TRIM7: variants seen among roughly 807,000 people sequenced by gnomAD.
TRIM7 encodes E3 ubiquitin-protein ligase TRIM7.
In TRIM7, 32 loss-of-function variants were observed where a neutral mutation model predicts 37.9. The observed-to-expected ratio is 0.84, with a 90% CI of 0.64 to 1.13. The LOEUF (loss-of-function observed/expected upper bound fraction) is 1.13, where lower values mean the gene tolerates loss of function less well. Ranked by LOEUF, TRIM7 falls within the 50% of genes most tolerant of loss-of-function variation. The probability of loss-of-function intolerance (pLI) is 0.00; values close to 1 mark genes in which losing one functional copy is unlikely to be tolerated. For synonymous variants in TRIM7, 351 were observed against 321.3 expected (o/e 1.09, Z -0.99); for missense variants, 732 against 714.0 (o/e 1.03, Z -0.29).
Position 181,195,091 on chromosome 5 carries a change from G to A in TRIM7, c.*75C>T, listed in dbSNP as rs927993288. 61 of 1,518,140 alleles carry A rather than the reference G, an allele frequency of 4.0e-5. No individual in the cohort carries two copies. Among genetic ancestry groups the A allele is most frequent in the South Asian group, 6.4e-5 (5 of 78,316 alleles). 94.0% of individuals were successfully genotyped at this position (1,518,140 alleles called of 1,614,324 possible). On this transcript the variant is annotated 3_prime_UTR_variant, in exon 7 of 7. Transcript: ENST00000274773. The stretch of plus-strand genomic sequence containing the variant: ...GGAGCACGGAGGGCAGACCCAAGAC[G>A]GACCAGGCATCTCTGGGGAGGCGAC...
rs1561643546 is a variant in TRIM7 at position 181,195,126 on chromosome 5, C to A, written c.*40G>T. ...TCTCTGGGGAGGCGACATCCCCTCC[C>A]ACCGGCAGCCCAGAGACAGGAGCTC... On this transcript the variant is annotated 3_prime_UTR_variant, in exon 7 of 7. Transcript: ENST00000274773. 6.4e-7 allele frequency: 1 copy of A among 1,552,926 alleles called. No individual in the cohort carries two copies. The highest frequency in any genetic ancestry group is 8.7e-7 in the Non-Finnish European group (1 of 1,146,628).
Position 181,200,010 on chromosome 5 carries a change from C to T in TRIM7, c.690G>A (p.Gln230=), listed in dbSNP as rs200756291. 2.5e-6 allele frequency: 4 copies of T among 1,614,278 alleles called. No homozygotes were observed. In the Admixed American group the frequency reaches 6.7e-5, roughly 27 times the overall value. Residue 230 remains glutamine (Q), a synonymous_variant, in exon 3 of 7, where the codon CAG becomes CAA. Transcript: ENST00000274773. ...CCAGGCGGCCTAGCAGCCGACCCTC[C>T]TGCTCCACCAGGAAAGCCCTCAGTG... is the stretch of plus-strand genomic sequence containing the variant. ...FQALRAFLVE[Q]EGRLLGRLEE...
rs1757740575 is a variant in TRIM7 at position 181,205,016 on chromosome 5, C to T, written c.95G>A (p.Cys32Tyr). The change falls in exon 1 of 7, where the codon TGC (cysteine) becomes TAC (tyrosine). Residue 32 changes from cysteine to tyrosine, a missense_variant. Coordinates refer to ENST00000274773, the MANE Select transcript of TRIM7 (RefSeq NM_203293.3). ...CACCGGCTCACGAAAGAGCTCTAGG[C>T]AGATGGAGCACGTCGCCTCGCCCTG... Reference protein sequence around the residue: ...ELQGEATCSICLELFREPVSV... With the variant: ...ELQGEATCSIYLELFREPVSV... The T allele has an allele frequency of 1.4e-6, 2 of 1,473,914 alleles. No individual in the cohort carries two copies. The highest frequency in any genetic ancestry group is 2.5e-5 in the Admixed American group (1 of 40,432). The allele number at this position is 1,473,914 out of a possible 1,614,324, so 91.3% of individuals were successfully genotyped here. A position where few individuals can be genotyped will look rare whatever the true frequency, so the allele number is the denominator to read the frequency against.
intron 2 of TRIM7, chr5:181,202,151 T>C (rs923796485): frequency 6.6e-6 from 1 of 151,916 alleles, no homozygotes; most frequent in Non-Finnish European, 1.5e-5. Context: ...TTCCCTGCCT[T>C]GACAGGTCCT....
rs886586787 is a variant in TRIM7 at position 181,205,080 on chromosome 5, C to A, written c.31G>T (p.Gly11Ter). ...AGCGCTAGAGCCTCGGCGCCGGTTC[C>A]GGGGCCGGTCCGCGGTCCCACAGCC... MAAVGPRTGP[G>*]TGAEALALAA... The change falls in exon 1 of 7, where the codon GGA becomes TGA. Residue 11 changes from glycine (G) to a stop codon, truncating the protein, a stop_gained. Coordinates refer to ENST00000274773, the MANE Select transcript of TRIM7 (RefSeq NM_203293.3). LOFTEE classifies it high-confidence loss of function. 8.1e-6 allele frequency: 11 copies of A among 1,361,334 alleles called. No homozygotes were observed. Among genetic ancestry groups the A allele is most frequent in the Middle Eastern group, 2.2e-4 (1 of 4,522 alleles). 84.3% of individuals were successfully genotyped at this position (1,361,334 alleles called of 1,614,324 possible).
At position 181,195,225 on chromosome 5, in the gene TRIM7, G is replaced by A. The variant is rs1385191219; in HGVS notation, c.1477C>T (p.Arg493Cys). Residue 493 changes from arginine to cysteine, a missense_variant, in exon 7 of 7, where the codon CGC (arginine) becomes TGC (cysteine). Arg to Cys is a radical substitution (Grantham distance 180). Transcript: ENST00000274773. Reference protein sequence around the residue: ...LYTFRVNFQERVFPLFSVCST... With the variant: ...LYTFRVNFQECVFPLFSVCST... The stretch of plus-strand genomic sequence containing the variant: ...CAAACAGAGAAAAGCGGGAACACGC[G>A]CTCCTGGAAGTTGACGCGGAAGGTG... 2 of 1,612,930 alleles carry A rather than the reference G, an allele frequency of 1.2e-6. No homozygotes were observed. Among genetic ancestry groups the A allele is most frequent in the Non-Finnish European group, 1.7e-6 (2 of 1,179,406 alleles).
At position 181,205,188 on chromosome 5, in the gene TRIM7, G is replaced by A. The variant is rs1319977291; in HGVS notation, c.-78C>T. On this transcript the variant is annotated 5_prime_UTR_variant, in exon 1 of 7. Transcript: ENST00000274773. ...CACAGGACGCGGAGCTGGGCGCCGA[G>A]GGCCCACTGGGAGAGGAAGGGCGGG... The A allele has an allele frequency of 2.4e-6, 3 of 1,252,874 alleles. No individual in the cohort carries two copies. The highest frequency in any genetic ancestry group is 3.0e-6 in the Non-Finnish European group (3 of 992,844). The allele number at this position is 1,252,874 out of a possible 1,614,324, so 77.6% of individuals were successfully genotyped here. A position where few individuals can be genotyped will look rare whatever the true frequency, so the allele number is the denominator to read the frequency against.
At chr5:181,199,247 C>T (rs958427113) in intron 3 of TRIM7, 130 bp from the exon 4 acceptor site, 11 of 1,082,994 alleles carry the variant, frequency 1.0e-5, no homozygotes, top group South Asian at 6.5e-5. Context: ...TCACTGCCTG[C>T]GTGGGCCTCA....
intron 3 of TRIM7, 71 bp from the exon 4 acceptor site, chr5:181,199,188 G>A: frequency 6.3e-7 from 1 of 1,581,552 alleles, no homozygotes; most frequent in Non-Finnish European, 8.7e-7. Flanking sequence ...AACAAAGCTT[G>A]CCCCTTGCTG....
Position 181,204,854 on chromosome 5 carries a change from C to A in TRIM7, c.257G>T (p.Arg86Leu). The A allele has an allele frequency of 7.5e-7, 1 of 1,339,272 alleles. No individual in the cohort carries two copies. The highest frequency in any genetic ancestry group is 9.5e-7 in the Non-Finnish European group (1 of 1,054,366). The allele number at this position is 1,339,272 out of a possible 1,614,324, so 83.0% of individuals were successfully genotyped here. A position where few individuals can be genotyped will look rare whatever the true frequency, so the allele number is the denominator to read the frequency against. ...CCGGTTGGGCCGCAGCTGACTGGGG[C>A]GCGCGGGCTCGCGGCACTGCGGACA... ...LPCPQCREPA[R>L]PSQLRPNRQL... is the part of the protein sequence containing the mutation. Residue 86 changes from arginine (R) to leucine (L), a missense_variant, in exon 1 of 7, where the codon CGC (arginine) becomes CTC (leucine). Coordinates refer to ENST00000274773, the MANE Select transcript of TRIM7 (RefSeq NM_203293.3).
At position 181,200,024 on chromosome 5, in the gene TRIM7, A is replaced by G; in HGVS notation, c.676T>C (p.Phe226Leu). The change falls in exon 3 of 7, where the codon TTC (phenylalanine) becomes CTC (leucine). Residue 226 changes from phenylalanine to leucine, a missense_variant. By Grantham distance (22) the Phe-to-Leu change is conservative. Transcript: ENST00000274773. ...AGCCGACCCTCCTGCTCCACCAGGA[A>G]AGCCCTCAGTGCCTGGAACTCTGCC... is the stretch of plus-strand genomic sequence containing the variant. Reference protein sequence around the residue: ...VGAEFQALRAFLVEQEGRLLG... With the variant: ...VGAEFQALRALLVEQEGRLLG... 1 of 1,614,244 alleles carries G rather than the reference A, an allele frequency of 6.2e-7. No individual in the cohort carries two copies. The highest frequency in any genetic ancestry group is 8.5e-7 in the Non-Finnish European group (1 of 1,180,048).
At chr5:181,202,141 T>C (rs1561650077) in intron 2 of TRIM7, 1 of 152,006 alleles carries the variant, frequency 6.6e-6, no homozygotes, top group Non-Finnish European at 1.5e-5. Flanking sequence ...CTTCCTTCAA[T>C]TCCCTGCCTT....
rs1335544038 is a variant in TRIM7, at chr5:181,198,990, G to A, written c.872+105C>T. 8.2e-6 allele frequency: 12 copies of A among 1,470,418 alleles called. No homozygotes were observed. In the East Asian group the frequency reaches 9.1e-5, roughly 11 times the overall value. The allele number at this position is 1,470,418 out of a possible 1,614,324, so 91.1% of individuals were successfully genotyped here. The stretch of plus-strand genomic sequence containing the variant: ...CGGAAGGTCCCCAGGCAAGCAAGTC[G>A]GGGGATCAGGAGGTGAGAGGTCAGG... On this transcript the variant is annotated intron_variant, in intron 4 of 6. Transcript: ENST00000274773.
Position 181,205,071 on chromosome 5 carries a change from C to T in TRIM7, c.40G>A (p.Ala14Thr). The change falls in exon 1 of 7, where the codon GCC becomes ACC. Residue 14 changes from alanine (A) to threonine (T), a missense_variant. Ala to Thr is a moderately conservative substitution (Grantham distance 58). Coordinates refer to ENST00000274773, the MANE Select transcript of TRIM7 (RefSeq NM_203293.3). ...VGPRTGPGTG[A>T]EALALAAELQ... ...TCTGCCGCCAGCGCTAGAGCCTCGG[C>T]GCCGGTTCCGGGGCCGGTCCGCGGT... 1 of 1,373,068 alleles carries T rather than the reference C, an allele frequency of 7.3e-7. No homozygotes were observed. Among genetic ancestry groups the T allele is most frequent in the South Asian group, 1.6e-5 (1 of 61,238 alleles). The allele number at this position is 1,373,068 out of a possible 1,614,324, so 85.1% of individuals were successfully genotyped here. A position where few individuals can be genotyped will look rare whatever the true frequency, so the allele number is the denominator to read the frequency against.
chr5:181,195,728 C>G (rs779933534), intron 6 of TRIM7, 51 bp from the exon 7 acceptor site: 1 of 1,504,180 alleles, frequency 6.6e-7, no homozygotes, highest in Non-Finnish European at 8.9e-7. Context: ...GCCCCTGGCA[C>G]AGTCTTTGCA....
intron 6 of TRIM7, chr5:181,195,896 A>C: frequency 2.1e-6 from 1 of 485,240 alleles, no homozygotes; most frequent in Non-Finnish European, 3.5e-6. Context: ...GAAATCAAAC[A>C]AATGCAATGT....
At chr5:181,200,416 A>C in intron 2 of TRIM7, 1 of 1,336,696 alleles carries the variant, frequency 7.5e-7, no homozygotes, top group Admixed American at 3.6e-5. Flanking sequence ...GGGATAAATT[A>C]GTGCCTCCTG....
chr5:181,196,846 A>G (rs1467537594), intron 6 of TRIM7: 2 of 152,218 alleles, frequency 1.3e-5, no homozygotes, highest in African/African-American at 2.4e-5. Context: ...ACTTTTGAGT[A>G]TGTTTGAAAT....
At position 181,195,637 on chromosome 5, in the gene TRIM7, G is replaced by T. The variant is rs1476985219; in HGVS notation, c.1065C>A (p.Leu355=). 2 of 1,546,142 alleles carry T rather than the reference G, an allele frequency of 1.3e-6. No homozygotes were observed. The highest frequency in any genetic ancestry group is 2.3e-5 in the East Asian group (1 of 43,758). The change falls in exon 7 of 7, where the codon CTC becomes CTA. Residue 355 remains leucine (L), a synonymous_variant. Coordinates refer to ENST00000274773, the MANE Select transcript of TRIM7 (RefSeq NM_203293.3). Reference sequence around the variant, plus strand: ...CGCCCTTAAGATCCAGAGAGAGGATGAGGCGCGGGTTGGCCGTGTCGGGAT... The same window carrying T: ...CGCCCTTAAGATCCAGAGAGAGGATTAGGCGCGGGTTGGCCGTGTCGGGAT... ...TLDPDTANPR[L]ILSLDLKGVR...
Sources: allele counts gnomAD v4.1 joint callset, GRCh38; gene constraint gnomAD v4.1.1; transcripts MANE v1.5; gene names NCBI Gene and HGNC (gene_info 2026-07-23, HGNC 2026-07-21).